The following STMN4 variants were observed in gnomAD, a reference collection of about 807,000 sequenced individuals.
STMN4 encodes stathmin-4.
Under a neutral mutation model 29.1 loss-of-function variants are expected in STMN4, and 12 were observed. The observed-to-expected ratio is 0.41, with a 90% CI of 0.26 to 0.67. The LOEUF (loss-of-function observed/expected upper bound fraction) is 0.67, where lower values mean the gene tolerates loss of function less well. Ranked by LOEUF, STMN4 falls within the 30% of genes least tolerant of loss-of-function variation. The probability of loss-of-function intolerance (pLI) is 0.30; values close to 1 mark genes in which losing one functional copy is unlikely to be tolerated. For synonymous variants in STMN4, 114 were observed against 105.3 expected (o/e 1.08, Z -0.51); for missense variants, 181 against 262.8 (o/e 0.69, Z 2.15).
In STMN4 at chr8:27,241,673, C is replaced by T; in HGVS notation, c.190+4G>A. On this transcript the variant is annotated splice_donor_region_variant and intron_variant, in intron 4 of 6. Transcript: ENST00000350889. ...GCGGAATCCCTCCGCTGCCTCCCTC[C>T]TACCCTGAGCTCTTCTTTCTCTCCA... The T allele has an allele frequency of 6.2e-7, 1 of 1,614,168 alleles. No individual in the cohort carries two copies. Among genetic ancestry groups the T allele is most frequent in the South Asian group, 1.1e-5 (1 of 91,088 alleles).
intron 1 of STMN4, 26 bp from the exon 2 acceptor site, chr8:27,243,827 T>C: frequency 6.3e-7 from 1 of 1,598,754 alleles, no homozygotes; most frequent in Non-Finnish European, 8.6e-7. Context: ...GACAGGATTT[T>C]ACCATCGATG....
chr8:27,243,791 C>T lies in STMN4; in HGVS notation c.-68G>A, dbSNP rs549275403. 52 of 1,614,130 alleles carry T rather than the reference C, an allele frequency of 3.2e-5. 1 individual carries two copies. In the South Asian group the frequency reaches 5.3e-4, roughly 16 times the overall value. ...GTGGGTCTGTCACCAGCTTGGGACG[C>T]TGTCACCAACCTGAGAAAAGGGGAG... is the stretch of plus-strand genomic sequence containing the variant. On this transcript the variant is annotated 5_prime_UTR_variant, in exon 2 of 7. Transcript: ENST00000350889.
rs767293456 is a variant in STMN4 at position 27,241,716 on chromosome 8, G to A, written c.151C>T (p.Arg51Trp). 3 of 1,614,042 alleles carry A rather than the reference G, an allele frequency of 1.9e-6. No individual in the cohort carries two copies. Among genetic ancestry groups the A allele is most frequent in the East Asian group, 2.2e-5 (1 of 44,870 alleles). ...RQCRRKDESQ[R>W]KDSADWRERR... ...TCTCTCCAGTCAGCACTGTCTTTCC[G>A]CTGGCTTTCATCCTTCCTCCTACAC... Residue 51 changes from arginine (R) to tryptophan (W), a missense_variant, in exon 4 of 7, where the codon CGG becomes TGG. Coordinates refer to ENST00000350889, the MANE Select transcript of STMN4 (RefSeq NM_030795.4).
intron 6 of STMN4, 45 bp from the exon 7 acceptor site, chr8:27,236,950 C>A: frequency 1.9e-6 from 3 of 1,576,026 alleles, no homozygotes; most frequent in Non-Finnish European, 2.6e-6. Flanking sequence ...CAAGGCTGCC[C>A]GGGGACAAAA....
rs377683827 is a variant in STMN4 at position 27,256,337 on chromosome 8, T to C, written c.-79+2014A>G. Among the ~76,000 whole-genome samples the C allele has an allele frequency of 1.7e-4, 26 of 152,124 alleles. No homozygotes were observed. In the East Asian group the frequency reaches 4.3e-3, roughly 25 times the overall value. ...CTGATTTGTACACTTAAAAATAGAA[T>C]GGCAAATTTTATGTTATGTGTATTT... On this transcript the variant is annotated intron_variant, in intron 1 of 6. Transcript: ENST00000350889.
At chr8:27,251,808 C>CT (rs34011092) in intron 1 of STMN4, among the ~76,000 whole-genome samples, 9 of 145,972 alleles carry the variant, frequency 6.2e-5, no homozygotes, top group African/African-American at 2.3e-4. Flanking sequence ...CTTTTTTTTT[C>CT]TTTTTTTTTT....
intron 1 of STMN4, among the ~76,000 whole-genome samples, chr8:27,253,004 A>G (rs73563934): frequency 0.01 from 1,534 of 152,338 alleles, 16 homozygotes; most frequent in Middle Eastern, 0.054. Context: ...TCATTTTCAT[A>G]TCAGCAGAGG....
intron 1 of STMN4, among the ~76,000 whole-genome samples, chr8:27,248,425 G>T (rs1460185517): frequency 1.3e-5 from 2 of 152,110 alleles, no homozygotes; most frequent in Admixed American, 6.6e-5. Flanking sequence ...CAGGAACACA[G>T]GAGGCCCACT....
At chr8:27,239,574 G>A in intron 6 of STMN4, 2 of 911,938 alleles carry the variant, frequency 2.2e-6, no homozygotes, top group Admixed American at 3.1e-5. Context: ...CCGTGACTTA[G>A]AGCCAAGAGC....
rs1407379035 is a variant in STMN4 at position 27,250,668 on chromosome 8, G to A, written c.-78-6867C>T. Among the ~76,000 whole-genome samples, 3 of 152,200 alleles carry A rather than the reference G, an allele frequency of 2.0e-5. No homozygotes were observed. The East Asian group carries it at 5.8e-4, about 29-fold the overall frequency. On this transcript the variant is annotated intron_variant, in intron 1 of 6. Transcript: ENST00000350889. ...CACTGGGTCTGGGGAAACTGGCATT[G>A]TTTAATCACCTCTTAGGCTCTTGCT... is the stretch of plus-strand genomic sequence containing the variant.
chr8:27,237,398 G>C (rs1311203904), intron 6 of STMN4, among the ~76,000 whole-genome samples: 1 of 152,094 alleles, frequency 6.6e-6, no homozygotes, highest in Admixed American at 6.6e-5. Context: ...TGAAAGATGA[G>C]GATTCTTTGA....
chr8:27,239,448 T>C (rs943433290), intron 6 of STMN4: 8 of 751,564 alleles, frequency 1.1e-5, no homozygotes, highest in East Asian at 8.2e-5. Context: ...GGTGACACCG[T>C]TCCATTTATT....
intron 2 of STMN4, among the ~76,000 whole-genome samples, chr8:27,242,949 C>T (rs1336468294): frequency 2.0e-5 from 3 of 152,166 alleles, no homozygotes; most frequent in Admixed American, 6.5e-5. Flanking sequence ...AGGAGGGGAC[C>T]GTCCTCACCA....
At chr8:27,239,855 C>T in intron 6 of STMN4, 116 bp downstream of exon 6, 3 of 1,568,362 alleles carry the variant, frequency 1.9e-6, no homozygotes, top group Non-Finnish European at 2.6e-6. Context: ...GAAAAAGATC[C>T]TGATTTTTGC....
chr8:27,246,937 T>C (rs978700210), intron 1 of STMN4, among the ~76,000 whole-genome samples: 2 of 152,108 alleles, frequency 1.3e-5, no homozygotes, highest in African/African-American at 4.8e-5. Context: ...CCAGCATTCA[T>C]ACATGGGCTG....
Position 27,236,135 on chromosome 8 carries a change from A to G in STMN4, c.*711T>C, listed in dbSNP as rs1190464540. 1 of 152,188 alleles carries G rather than the reference A, an allele frequency of 6.6e-6. No homozygotes were observed. The highest frequency in any genetic ancestry group is 1.5e-5 in the Non-Finnish European group (1 of 68,032). The allele number at this position is 152,188 out of a possible 1,614,324, so 9.4% of individuals were successfully genotyped here. A position where few individuals can be genotyped will look rare whatever the true frequency, so the allele number is the denominator to read the frequency against. On this transcript the variant is annotated 3_prime_UTR_variant, in exon 7 of 7. Transcript: ENST00000350889. Reference sequence around the variant, plus strand: ...AAGAGAAAACCTTTCAATTATGCCAAAGGCTGGCCTGATTCAACCCACCTC... The same window carrying G: ...AAGAGAAAACCTTTCAATTATGCCAGAGGCTGGCCTGATTCAACCCACCTC...
chr8:27,253,667 G>T (rs911580506), intron 1 of STMN4, among the ~76,000 whole-genome samples: 1 of 151,574 alleles, frequency 6.6e-6, no homozygotes, highest in South Asian at 2.1e-4. Flanking sequence ...CTAAATTCTG[G>T]TGTTTTCTTT....
At chr8:27,257,292 C>A (rs1184165540) in intron 1 of STMN4, among the ~76,000 whole-genome samples, 5 of 152,096 alleles carry the variant, frequency 3.3e-5, no homozygotes, top group African/African-American at 9.7e-5. Context: ...GAGACAGATT[C>A]CCTCATATTC....
At chr8:27,257,375 T>C (rs1404074206) in intron 1 of STMN4, among the ~76,000 whole-genome samples, 4 of 150,640 alleles carry the variant, frequency 2.7e-5, no homozygotes, top group African/African-American at 9.8e-5. Flanking sequence ...ATTCTCTTGG[T>C]CTTAAGACAG....
Sources: gnomAD v4.1 joint callset for allele counts (sites outside exome capture counted in the v4.1 genomes callset) on GRCh38, gnomAD v4.1.1 for gene constraint, MANE v1.5 for transcripts, NCBI Gene and HGNC (gene_info 2026-07-23, HGNC 2026-07-21) for gene names.